The following CCNJL variants were observed in gnomAD, a reference collection of about 807,000 sequenced individuals.
CCNJL encodes cyclin-J-like protein.
Under a neutral mutation model 33.4 loss-of-function variants are expected in CCNJL, and 33 were observed. That is an observed-to-expected ratio of 0.99 (90% CI 0.75 to 1.32). The LOEUF (loss-of-function observed/expected upper bound fraction) is 1.32, where lower values mean the gene tolerates loss of function less well. CCNJL is among the 40% of genes most tolerant of loss of function. The probability of loss-of-function intolerance (pLI) is 0.00; values close to 1 mark genes in which losing one functional copy is unlikely to be tolerated. For missense variants in CCNJL, 512 were observed against 499.7 expected, an observed-to-expected ratio of 1.02 and a Z score of -0.23; for synonymous variants, 227 against 220.9, an observed-to-expected ratio of 1.03 and a Z score of -0.24.
chr5:160,271,583 G>A (rs531907842), intron 3 of CCNJL, among the ~76,000 whole-genome samples: 1 of 152,280 alleles, frequency 6.6e-6, no homozygotes, highest in South Asian at 2.1e-4. Context: ...CATGTCCTCC[G>A]CTCACTGTGC....
rs184365293 is a variant in CCNJL at position 160,334,052 on chromosome 5, T to G, written n.206+5393A>C. Among the ~76,000 whole-genome samples the G allele has an allele frequency of 8.9e-3, 1,359 of 152,320 alleles. 17 individuals carry two copies. The highest frequency in any genetic ancestry group is 0.03 in the African/African-American group (1,267 of 41,556). On this transcript the variant is annotated intron_variant and non_coding_transcript_variant, in intron 1 of 7. Transcript: ENST00000377503. ...GCCAAAACTCAGACTCTGTTGTTAC[T>G]GATAATTGCAAACCATCCATTTCAG...
intron 1 of CCNJL, among the ~76,000 whole-genome samples, chr5:160,320,850 C>CTTTCTTTCTTTCTTTCCTTCT (rs1491096774): frequency 7.2e-5 from 4 of 55,532 alleles, no homozygotes; most frequent in African/African-American, 2.4e-4. Context: ...TCTTTCTTTC[C>CTTTCTTTCTTTCTTTCCTTCT]TTCTTTCTTT....
intron 2 of CCNJL, among the ~76,000 whole-genome samples, chr5:160,285,616 G>A (rs1561792764): frequency 6.6e-6 from 1 of 152,344 alleles, no homozygotes; most frequent in Admixed American, 6.5e-5. Flanking sequence ...CAATTTACCT[G>A]TTGAAGATGC....
Position 160,280,580 on chromosome 5 carries a change from G to T in CCNJL, c.225C>A (p.Asn75Lys). ...YLLDHFMDRY[N>K]VTTSKQLYTV... is the part of the protein sequence containing the mutation. ...TGTAGAGCTGCTTGGAGGTGGTGAC[G>T]TTGTAGCGATCCATGAAGTGGTCCA... Residue 75 changes from asparagine (N) to lysine (K), a missense_variant, in exon 3 of 6, where the codon AAC (asparagine) becomes AAA (lysine). Physicochemically the swap from Asn to Lys is moderately conservative, Grantham distance 94 (BLOSUM62 0). Transcript: ENST00000257536. 1.9e-6 allele frequency: 3 copies of T among 1,612,700 alleles called. No homozygotes were observed. Among genetic ancestry groups the T allele is most frequent in the Non-Finnish European group, 2.5e-6 (3 of 1,179,762 alleles).
intron 2 of CCNJL, among the ~76,000 whole-genome samples, chr5:160,290,550 G>A (rs1217560692): frequency 1.3e-5 from 2 of 152,120 alleles, no homozygotes; most frequent in African/African-American, 2.4e-5. Context: ...TTACAGACAT[G>A]AGCTACCATG....
chr5:160,290,726 A>T (rs1017700725), intron 2 of CCNJL, among the ~76,000 whole-genome samples: 1 of 152,114 alleles, frequency 6.6e-6, no homozygotes, highest in African/African-American at 2.4e-5. Flanking sequence ...TGTCTTGTTC[A>T]GCTCTGTGAC....
intron 2 of CCNJL, among the ~76,000 whole-genome samples, chr5:160,290,366 A>G (rs1300470809): frequency 2.6e-5 from 4 of 151,918 alleles, no homozygotes; most frequent in African/African-American, 9.7e-5. Flanking sequence ...TCTAGGTTCA[A>G]GAGATTCTCC....
At chr5:160,321,010 C>CTT (rs1763448432) in intron 1 of CCNJL, among the ~76,000 whole-genome samples, 19 of 87,904 alleles carry the variant, frequency 2.2e-4, no homozygotes, top group East Asian at 3.5e-4. Flanking sequence ...CTCTCTCTCT[C>CTT]TCTCTTTCTT....
intron 3 of CCNJL, among the ~76,000 whole-genome samples, chr5:160,280,145 C>T (rs2113348955): frequency 6.6e-6 from 1 of 152,304 alleles, no homozygotes; most frequent in South Asian, 2.1e-4. Flanking sequence ...AAGCAGGAGA[C>T]AGGAGGTTGA....
chr5:160,277,952 G>A (rs1353293405), intron 3 of CCNJL, among the ~76,000 whole-genome samples: 1 of 151,906 alleles, frequency 6.6e-6, no homozygotes, highest in Admixed American at 6.6e-5. Context: ...TTGTTGCCCA[G>A]GCTGGAATGC....
rs955709016 is a variant in CCNJL at position 160,252,337 on chromosome 5, C to G, written c.*1041G>C. ...CAGGTGGGACTAAGCAAATTTTCCA[C>G]ATTGCTATCCTTCGCTATCAGCCAC... On this transcript the variant is annotated 3_prime_UTR_variant, in exon 6 of 6. Transcript: ENST00000257536. 2.6e-5 allele frequency: 4 copies of G among 152,600 alleles called. No homozygotes were observed. Among genetic ancestry groups the G allele is most frequent in the Non-Finnish European group, 4.4e-5 (3 of 68,056 alleles). 9.5% of individuals were successfully genotyped at this position (152,600 alleles called of 1,614,324 possible). A position where few individuals can be genotyped will look rare whatever the true frequency, so the allele number is the denominator to read the frequency against.
At chr5:160,292,706 G>T (rs1287674291) in intron 2 of CCNJL, among the ~76,000 whole-genome samples, 2 of 142,448 alleles carry the variant, frequency 1.4e-5, no homozygotes, top group Non-Finnish European at 1.5e-5. Context: ...TATATAACTT[G>T]AAAGTCTGTA....
At chr5:160,303,516 A>C (rs1211743434) in intron 2 of CCNJL, among the ~76,000 whole-genome samples, 1 of 134,280 alleles carries the variant, frequency 7.4e-6, no homozygotes, top group Non-Finnish European at 1.7e-5. Flanking sequence ...GGTATTTTCC[A>C]TTTTTACAAA....
At chr5:160,277,661 G>C (rs1158983450) in intron 3 of CCNJL, among the ~76,000 whole-genome samples, 2 of 152,026 alleles carry the variant, frequency 1.3e-5, no homozygotes, top group African/African-American at 2.4e-5. Context: ...CCGCAGACAT[G>C]GGTCCCTGGC....
At chr5:160,294,179 G>A (rs1388969531) in intron 2 of CCNJL, among the ~76,000 whole-genome samples, 1 of 152,176 alleles carries the variant, frequency 6.6e-6, no homozygotes, top group Non-Finnish European at 1.5e-5. Flanking sequence ...CACGACCTGG[G>A]AGGCCCAGCA....
At position 160,250,459 on chromosome 5, in the gene CCNJL, C is replaced by T. The variant is rs1760774178; in HGVS notation, c.*2919G>A. On this transcript the variant is annotated 3_prime_UTR_variant, in exon 6 of 6. Transcript: ENST00000257536. ...CTGCAGCCTCAGGCCCTGAGCTCAT[C>T]TTCCCATTCCTCCCCTAATTGTCTA... 1 of 152,304 alleles carries T rather than the reference C, an allele frequency of 6.6e-6. No homozygotes were observed. The highest frequency in any genetic ancestry group is 2.4e-5 in the African/African-American group (1 of 41,478). 9.4% of individuals were successfully genotyped at this position (152,304 alleles called of 1,614,324 possible).
At chr5:160,255,298 G>A (rs1761010906) in intron 5 of CCNJL, 2 of 266,090 alleles carry the variant, frequency 7.5e-6, no homozygotes, top group South Asian at 9.5e-5. Flanking sequence ...GGGTGACAGA[G>A]CGAGACTCTG....
chr5:160,312,990 G>A (rs1233016335), upstream of CCNJL: 28 of 148,980 alleles, frequency 1.9e-4, no homozygotes, highest in African/African-American at 6.0e-4. Context: ...TTTGAAACCC[G>A]CCCTGCCATG....
At chr5:160,278,011 G>A (rs899721579) in intron 3 of CCNJL, among the ~76,000 whole-genome samples, 2 of 152,004 alleles carry the variant, frequency 1.3e-5, no homozygotes, top group Non-Finnish European at 1.5e-5. Flanking sequence ...GGGTTCAAGC[G>A]ATTCTGCTGC....
Sources: gnomAD v4.1 joint callset for allele counts (sites outside exome capture counted in the v4.1 genomes callset) on GRCh38, gnomAD v4.1.1 for gene constraint, MANE v1.5 for transcripts, NCBI Gene and HGNC (gene_info 2026-07-23, HGNC 2026-07-21) for gene names.